GPBP1: variants seen among roughly 807,000 people sequenced by gnomAD.
GPBP1 encodes the protein vasculin.
In GPBP1, 13 loss-of-function variants were observed where a neutral mutation model predicts 56.5. That is an observed-to-expected ratio of 0.23 (90% CI 0.15 to 0.37). The LOEUF (loss-of-function observed/expected upper bound fraction) is 0.37, where lower values mean the gene tolerates loss of function less well. GPBP1 is among the 10% of genes least tolerant of loss of function. The pLI, the probability that GPBP1 is intolerant of heterozygous loss-of-function variation, is 1.00. For synonymous variants in GPBP1, 204 were observed against 188.9 expected, an observed-to-expected ratio of 1.08 and a Z score of -0.66; for missense variants, 477 against 572.3, an observed-to-expected ratio of 0.83 and a Z score of 1.70.
intron 2 of GPBP1, among the ~76,000 whole-genome samples, chr5:57,187,002 A>AAG: frequency 8.4e-6 from 1 of 119,370 alleles, no homozygotes; most frequent in Admixed American, 9.0e-5. Flanking sequence ...GGACTCAGAG[A>AAG]AGTGTGTGTG....
chr5:57,211,823 C>T (rs1260082436), intron 2 of GPBP1, among the ~76,000 whole-genome samples: 7 of 151,820 alleles, frequency 4.6e-5, no homozygotes, highest in Admixed American at 6.6e-5. Flanking sequence ...CTGCCCACCT[C>T]GGCCTCCCAA....
intron 2 of GPBP1, among the ~76,000 whole-genome samples, chr5:57,183,502 A>G (rs1013689527): frequency 6.6e-6 from 1 of 152,098 alleles, no homozygotes; most frequent in Admixed American, 6.6e-5. Flanking sequence ...AAATTAGCCC[A>G]GGTCAGTAGT....
chr5:57,188,297 T>G (rs1020549527), intron 2 of GPBP1, among the ~76,000 whole-genome samples: 4 of 151,958 alleles, frequency 2.6e-5, no homozygotes, highest in Non-Finnish European at 5.9e-5. Flanking sequence ...ATAATACTTG[T>G]GTAATTTGTG....
At chr5:57,245,002 A>G (rs1397752810) in intron 6 of GPBP1, among the ~76,000 whole-genome samples, 1 of 152,122 alleles carries the variant, frequency 6.6e-6, no homozygotes, top group Non-Finnish European at 1.5e-5. Flanking sequence ...CCCAAAGTGC[A>G]GGGATTACAG....
In GPBP1 at chr5:57,231,353, G is replaced by A. The variant is rs998662954; in HGVS notation, c.411+32G>A. The A allele has an allele frequency of 1.1e-5, 17 of 1,530,192 alleles. No homozygotes were observed. The African/African-American group carries it at 2.2e-4, about 20-fold the overall frequency. 94.8% of individuals were successfully genotyped at this position (1,530,192 alleles called of 1,614,324 possible). On this transcript the variant is annotated intron_variant, in intron 5 of 11. Transcript: ENST00000506184. Reference sequence around the variant, plus strand: ...TTTTTATGACTTTTATACAAATGAAGTTTCTGTAAGTGCTATTTTAAGTGA... The same window carrying A: ...TTTTTATGACTTTTATACAAATGAAATTTCTGTAAGTGCTATTTTAAGTGA...
chr5:57,177,203 C>G (rs1156412457), intron 2 of GPBP1, among the ~76,000 whole-genome samples: 1 of 151,754 alleles, frequency 6.6e-6, no homozygotes, highest in Non-Finnish European at 1.5e-5. Flanking sequence ...GAATTAATTG[C>G]TATAATAGAA....
At chr5:57,255,245 C>T (rs1257742285) in intron 10 of GPBP1, among the ~76,000 whole-genome samples, 3 of 152,146 alleles carry the variant, frequency 2.0e-5, no homozygotes, top group Non-Finnish European at 2.9e-5. Flanking sequence ...CTCCCCTCTT[C>T]CTCTCTTTCC....
intron 11 of GPBP1, among the ~76,000 whole-genome samples, chr5:57,261,998 C>G (rs765310663): frequency 6.6e-6 from 1 of 152,200 alleles, no homozygotes; most frequent in Non-Finnish European, 1.5e-5. Context: ...ACTCTTGCCT[C>G]AGCTTCCTGA....
chr5:57,231,353 GT>G (rs1554071128), intron 5 of GPBP1, 32 bp downstream of exon 5: 12 of 1,530,192 alleles, frequency 7.8e-6, no homozygotes, highest in Non-Finnish European at 1.1e-5. Flanking sequence ...TACAAATGAA[GT>G]TTCTGTAAGT....
chr5:57,174,728 C>G (rs779758405), intron 1 of GPBP1, among the ~76,000 whole-genome samples: 1 of 152,172 alleles, frequency 6.6e-6, no homozygotes, highest in Non-Finnish European at 1.5e-5. Context: ...CCTGTGGGGT[C>G]TGAGGGGACA....
intron 5 of GPBP1, among the ~76,000 whole-genome samples, chr5:57,234,420 C>T (rs1756583811): frequency 6.6e-6 from 1 of 152,020 alleles, no homozygotes; most frequent in Non-Finnish European, 1.5e-5. Flanking sequence ...TTTGATAGTG[C>T]GTGTGTTAAC....
At chr5:57,205,468 G>A (rs1014914863) in intron 2 of GPBP1, among the ~76,000 whole-genome samples, 3 of 151,944 alleles carry the variant, frequency 2.0e-5, no homozygotes, top group African/African-American at 7.2e-5. Context: ...GTAATTGCGT[G>A]TTTGACTTTT....
chr5:57,178,704 AT>A (rs1753907045), intron 2 of GPBP1, among the ~76,000 whole-genome samples: 1 of 152,192 alleles, frequency 6.6e-6, no homozygotes, highest in Admixed American at 6.5e-5. Flanking sequence ...TCAAGGACAG[AT>A]TTACTTGAAC....
At chr5:57,213,306 C>T (rs1239089392) in intron 2 of GPBP1, among the ~76,000 whole-genome samples, 1 of 152,174 alleles carries the variant, frequency 6.6e-6, no homozygotes, top group African/African-American at 2.4e-5. Flanking sequence ...CCTCCTCGGC[C>T]TCCCAAAGTG....
In GPBP1 at chr5:57,175,961, T is replaced by A. The variant is rs1450197622; in HGVS notation, c.-497T>A. 3 of 398,504 alleles carry A rather than the reference T, an allele frequency of 7.5e-6. No individual in the cohort carries two copies. Among genetic ancestry groups the A allele is most frequent in the Non-Finnish European group, 1.3e-5 (3 of 226,058 alleles). 24.7% of individuals were successfully genotyped at this position (398,504 alleles called of 1,614,324 possible). ...ACAGAGTTTTTTTCCTTTTATCTTTTATTTACGTGGAAATTTAAGATGTTG... is the reference window on the plus strand; with the variant it reads ...ACAGAGTTTTTTTCCTTTTATCTTTAATTTACGTGGAAATTTAAGATGTTG... On this transcript the variant is annotated 5_prime_UTR_variant, in exon 2 of 12. Coordinates refer to ENST00000506184, the MANE Select transcript of GPBP1 (RefSeq NM_022913.4).
intron 3 of GPBP1, among the ~76,000 whole-genome samples, chr5:57,230,315 CTT>C (rs1471295005): frequency 1.3e-5 from 2 of 152,144 alleles, no homozygotes; most frequent in African/African-American, 4.8e-5. Flanking sequence ...GGGCTAGTGA[CTT>C]TTATACATTG....
At chr5:57,199,264 GTTAT>G (rs1343774394) in intron 2 of GPBP1, among the ~76,000 whole-genome samples, 1 of 149,406 alleles carries the variant, frequency 6.7e-6, no homozygotes, top group East Asian at 1.9e-4. Context: ...TGTCATAGTG[GTTAT>G]TTAGTTTCTG....
intron 3 of GPBP1, among the ~76,000 whole-genome samples, chr5:57,222,845 G>A (rs1022723925): frequency 6.6e-6 from 1 of 152,100 alleles, no homozygotes; most frequent in African/African-American, 2.4e-5. Flanking sequence ...CAGTCTTGGC[G>A]ACACTGGATG....
chr5:57,193,119 C>T (rs1227512393), intron 2 of GPBP1, among the ~76,000 whole-genome samples: 2 of 152,118 alleles, frequency 1.3e-5, no homozygotes, highest in Non-Finnish European at 2.9e-5. Context: ...GAGTTGAAGA[C>T]CAGCCTGGCC....
Sources: gnomAD v4.1 joint callset for allele counts (sites outside exome capture counted in the v4.1 genomes callset) on GRCh38, gnomAD v4.1.1 for gene constraint, MANE v1.5 for transcripts, NCBI Gene and HGNC (gene_info 2026-07-23, HGNC 2026-07-21) for gene names.